Variants in ARHGAP31 observed in about 807,000 individuals in gnomAD.
The protein encoded by ARHGAP31 is rho GTPase-activating protein 31.
In ARHGAP31, 34 loss-of-function variants were observed where a neutral mutation model predicts 113.9. The observed-to-expected ratio is 0.30, with a 90% confidence interval of 0.23 to 0.40. The LOEUF (loss-of-function observed/expected upper bound fraction) is 0.40. Among genes scored for constraint, ARHGAP31 ranks in the 10% least tolerant of loss-of-function variants. The pLI is 1.00. For synonymous variants in ARHGAP31, 650 were observed against 684.8 expected (o/e 0.95, Z 0.79); for missense variants, 1,548 against 1,767.1 (o/e 0.88, Z 2.22).
intron 11 of ARHGAP31, among the ~76,000 whole-genome samples, chr3:119,412,473 T>C (rs12639070): frequency 0.13 from 20,195 of 151,662 alleles, 1,429 homozygotes; most frequent in South Asian, 0.18. Context: ...CCTTTTCCTG[T>C]CTATAGCTTT....
intron 1 of ARHGAP31, among the ~76,000 whole-genome samples, chr3:119,364,715 T>C (rs1382680976): frequency 6.6e-6 from 1 of 152,176 alleles, no homozygotes; most frequent in Non-Finnish European, 1.5e-5. Flanking sequence ...AACAATGAAA[T>C]GAAGAGACCG....
intron 1 of ARHGAP31, among the ~76,000 whole-genome samples, chr3:119,315,319 A>G (rs926706178): frequency 6.6e-6 from 1 of 152,226 alleles, no homozygotes; most frequent in African/African-American, 2.4e-5. Flanking sequence ...TTCATTATCA[A>G]ACAAATTTTA....
chr3:119,332,577 C>T (rs1215165973), intron 1 of ARHGAP31, among the ~76,000 whole-genome samples: 1 of 150,798 alleles, frequency 6.6e-6, no homozygotes, highest in Non-Finnish European at 1.5e-5. Flanking sequence ...GAGCAGAGTG[C>T]ACAGGGATCT....
chr3:119,308,959 T>TC (rs2079654623), intron 1 of ARHGAP31, among the ~76,000 whole-genome samples: 1 of 151,970 alleles, frequency 6.6e-6, no homozygotes, highest in South Asian at 2.1e-4. Context: ...TCCCGCCTCA[T>TC]CCCCCCTAAG....
At position 119,399,502 on chromosome 3, in the gene ARHGAP31, C is replaced by T. The variant is rs183285772; in HGVS notation, c.1069+241C>T. Among the ~76,000 whole-genome samples, 212 of 152,368 alleles carry T rather than the reference C, an allele frequency of 1.4e-3. 2 individuals carry two copies. Among genetic ancestry groups the T allele is most frequent in the Admixed American group, 0.013 (193 of 15,308 alleles). Reference sequence around the variant, plus strand: ...TCTTTGCCCATCCTTCCTCTAGCCACAGCTGAAGTCCATGGCTACTTTTCA... The same window carrying T: ...TCTTTGCCCATCCTTCCTCTAGCCATAGCTGAAGTCCATGGCTACTTTTCA... On this transcript the variant is annotated intron_variant, in intron 9 of 11. Coordinates refer to ENST00000264245, the MANE Select transcript of ARHGAP31 (RefSeq NM_020754.4).
At chr3:119,339,784 T>A (rs1324620793) in intron 1 of ARHGAP31, among the ~76,000 whole-genome samples, 1 of 152,018 alleles carries the variant, frequency 6.6e-6, no homozygotes, top group Non-Finnish European at 1.5e-5. Context: ...TCAAAAGAGA[T>A]CACAGACTTA....
At chr3:119,385,657 A>T (rs1261696176) in intron 6 of ARHGAP31, among the ~76,000 whole-genome samples, 1 of 152,246 alleles carries the variant, frequency 6.6e-6, no homozygotes, top group East Asian at 1.9e-4. Flanking sequence ...TTCCACATGC[A>T]GCATTTCATT....
In ARHGAP31 at chr3:119,365,700, C is replaced by T. The variant is rs138832644; in HGVS notation, c.203+282C>T. Among the ~76,000 whole-genome samples the T allele has an allele frequency of 6.5e-3, 994 of 152,308 alleles. 12 individuals carry two copies. The highest frequency in any genetic ancestry group is 0.022 in the African/African-American group (933 of 41,554). ...CTTCTTTGGTGAATTTGATTTAACT[C>T]AAATGATTTAAATTACAAGTTAAGG... On this transcript the variant is annotated intron_variant, in intron 2 of 11. Transcript: ENST00000264245.
chr3:119,398,773 T>G (rs1452302902), intron 8 of ARHGAP31, among the ~76,000 whole-genome samples: 1 of 152,210 alleles, frequency 6.6e-6, no homozygotes, highest in Non-Finnish European at 1.5e-5. Flanking sequence ...TCTCACCTGC[T>G]GTACCAAATT....
intron 10 of ARHGAP31, among the ~76,000 whole-genome samples, chr3:119,403,217 A>G (rs765685817): frequency 3.9e-5 from 6 of 152,188 alleles, no homozygotes; most frequent in South Asian, 2.1e-4. Context: ...TTCAGCACCT[A>G]TTAGGTTGTC....
At chr3:119,366,226 T>G (rs1200583209) in intron 2 of ARHGAP31, among the ~76,000 whole-genome samples, 2 of 152,022 alleles carry the variant, frequency 1.3e-5, no homozygotes, top group African/African-American at 4.8e-5. Context: ...TAACATTTTA[T>G]TATTACCTAT....
intron 1 of ARHGAP31, among the ~76,000 whole-genome samples, chr3:119,348,484 C>G (rs2080082143): frequency 1.3e-5 from 2 of 152,142 alleles, no homozygotes; most frequent in African/African-American, 4.8e-5. Flanking sequence ...ATCATCTTCA[C>G]ATTGAGCCTT....
intron 1 of ARHGAP31, among the ~76,000 whole-genome samples, chr3:119,348,827 A>G (rs4687847): frequency 0.18 from 27,241 of 152,142 alleles, 3,423 homozygotes; most frequent in African/African-American, 0.36. Context: ...AGAACCCACA[A>G]ATATGGGTGT....
intron 10 of ARHGAP31, among the ~76,000 whole-genome samples, chr3:119,405,233 G>A (rs1408463596): frequency 6.6e-6 from 1 of 152,022 alleles, no homozygotes; most frequent in Non-Finnish European, 1.5e-5. Flanking sequence ...CTCATTAGTT[G>A]ATTCTATTAG....
chr3:119,352,711 T>C (rs1234690277), intron 1 of ARHGAP31, among the ~76,000 whole-genome samples: 4 of 152,324 alleles, frequency 2.6e-5, no homozygotes, highest in Admixed American at 1.3e-4. Flanking sequence ...CTGCCAGTAT[T>C]GGACATTATT....
At chr3:119,379,494 G>A (rs2318369) in intron 3 of ARHGAP31, among the ~76,000 whole-genome samples, 13,663 of 152,168 alleles carry the variant, frequency 0.09, 1,212 homozygotes, top group African/African-American at 0.22. Context: ...ACATGCACAC[G>A]GCAGCTAAAG....
intron 1 of ARHGAP31, among the ~76,000 whole-genome samples, chr3:119,309,612 T>G (rs560455997): frequency 6.6e-6 from 1 of 151,820 alleles, no homozygotes; most frequent in African/African-American, 2.4e-5. Flanking sequence ...ATACAAATAT[T>G]AGCCAGGCAT....
chr3:119,328,512 C>T (rs963773419), intron 1 of ARHGAP31, among the ~76,000 whole-genome samples: 1 of 152,144 alleles, frequency 6.6e-6, no homozygotes, highest in Non-Finnish European at 1.5e-5. Context: ...ACCTGTTAGC[C>T]GCTATACTGG....
intron 3 of ARHGAP31, among the ~76,000 whole-genome samples, 197 bp downstream of exon 3, chr3:119,368,713 A>G (rs2107624435): frequency 6.6e-6 from 1 of 152,334 alleles, no homozygotes. Context: ...TTGAATTTTC[A>G]GAATCATGTT....
Sources: gnomAD v4.1 joint callset for allele counts (sites outside exome capture counted in the v4.1 genomes callset) on GRCh38, gnomAD v4.1.1 for gene constraint, MANE v1.5 for transcripts, NCBI Gene and HGNC (gene_info 2026-07-23, HGNC 2026-07-21) for gene names.